PTPRK: variants seen among roughly 807,000 people sequenced by gnomAD.
PTPRK encodes protein tyrosine phosphatase receptor type K.
A neutral mutation model predicts 178.0 loss-of-function variants in PTPRK; 75 were observed. The observed-to-expected ratio is 0.42, with a 90% CI of 0.35 to 0.51. The LOEUF (loss-of-function observed/expected upper bound fraction) is 0.51, where lower values mean the gene tolerates loss of function less well. Among genes scored for constraint, PTPRK ranks in the 20% least tolerant of loss-of-function variants. PTPRK has a pLI of 0.02. For synonymous variants in PTPRK, 637 were observed against 620.6 expected (o/e 1.03, Z -0.39); for missense variants, 1,441 against 1,797.8 (o/e 0.80, Z 3.59).
At chr6:128,492,332 T>G (rs1239959942) in intron 1 of PTPRK, among the ~76,000 whole-genome samples, 3 of 152,202 alleles carry the variant, frequency 2.0e-5, no homozygotes, top group African/African-American at 7.2e-5. Context: ...CTTCAGCATG[T>G]TCCCAGAATA....
intron 8 of PTPRK, among the ~76,000 whole-genome samples, chr6:128,084,074 T>C (rs530182940): frequency 6.6e-6 from 1 of 152,274 alleles, no homozygotes; most frequent in Non-Finnish European, 1.5e-5. Flanking sequence ...TTCAAAAGAA[T>C]ATTCTATCAC....
chr6:127,986,008 C>T (rs1775932695), intron 21 of PTPRK, 133 bp from the exon 22 acceptor site: 1 of 741,000 alleles, frequency 1.3e-6, no homozygotes. Flanking sequence ...TATGCCTTTT[C>T]TTAAAAAAAA....
At chr6:128,206,092 C>A (rs1806911617) in intron 6 of PTPRK, among the ~76,000 whole-genome samples, 3 of 151,822 alleles carry the variant, frequency 2.0e-5, no homozygotes, top group South Asian at 2.1e-4. Context: ...GGCACTATAA[C>A]CCCCTAAAGA....
At chr6:128,500,615 A>G (rs920798297) in intron 1 of PTPRK, 1 of 152,166 alleles carries the variant, frequency 6.6e-6, no homozygotes, top group Non-Finnish European at 1.5e-5. Flanking sequence ...ATATGAACAT[A>G]TGTCTTTTTC....
intron 13 of PTPRK, among the ~76,000 whole-genome samples, chr6:128,025,627 T>G (rs1344895824): frequency 6.6e-6 from 1 of 152,204 alleles, no homozygotes; most frequent in Non-Finnish European, 1.5e-5. Context: ...TTCTGGGAAC[T>G]AGAGGGCCCC....
chr6:128,240,151 C>T lies in PTPRK; in HGVS notation c.578-1G>A, dbSNP rs1211061259. 6.3e-7 allele frequency: 1 copy of T among 1,599,280 alleles called. No individual in the cohort carries two copies. Among genetic ancestry groups the T allele is most frequent in the Non-Finnish European group, 8.5e-7 (1 of 1,171,250 alleles). On this transcript the variant is annotated splice_acceptor_variant, in intron 4 of 29. Transcript: ENST00000368226. LOFTEE classifies it high-confidence loss of function. ...AGACGGAGGAAATGAGGAGATTTAT[C>T]TGTGAAGGAAGGGAAAAAAAAATGT...
At position 128,519,332 on chromosome 6, in the gene PTPRK, A is replaced by G. The variant is rs1255178115; in HGVS notation, c.100+927T>C. 1.3e-5 allele frequency among the ~76,000 whole-genome samples: 2 copies of G among 152,212 alleles called. No homozygotes were observed. Among genetic ancestry groups the G allele is most frequent in the Admixed American group, 1.3e-4 (2 of 15,278 alleles). The stretch of plus-strand genomic sequence containing the variant: ...GGCGGGACCGGGAGAGCCAGGGTTC[A>G]CGGACTTCTCTGAGCGGCTTGACCG... On this transcript the variant is annotated intron_variant, in intron 1 of 29. Coordinates refer to ENST00000368226, the MANE Select transcript of PTPRK (RefSeq NM_002844.4). The surrounding 1 kb of genome is among the most constrained non-coding windows in gnomAD (Gnocchi z 4.3).
At position 128,073,907 on chromosome 6, in the gene PTPRK, C is replaced by T. The variant is rs556360019; in HGVS notation, c.1883+4906G>A. 3.3e-5 allele frequency among the ~76,000 whole-genome samples: 5 copies of T among 152,056 alleles called. No individual in the cohort carries two copies. The East Asian group carries it at 9.7e-4, about 29-fold the overall frequency. Reference sequence around the variant, plus strand: ...GTTTTATTTGGAATTCAAGTAAGCTCTAGGTCAGGATAGTGGTTAGGAAAA... The same window carrying T: ...GTTTTATTTGGAATTCAAGTAAGCTTTAGGTCAGGATAGTGGTTAGGAAAA... On this transcript the variant is annotated intron_variant, in intron 11 of 29. Transcript: ENST00000368226.
chr6:128,069,486 ATGATCATAGC>A (rs1782435677), intron 11 of PTPRK, among the ~76,000 whole-genome samples: 1 of 152,196 alleles, frequency 6.6e-6, no homozygotes, highest in Non-Finnish European at 1.5e-5. Flanking sequence ...AAAGACGAGA[ATGATCATAGC>A]TGACATATGC....
intron 7 of PTPRK, among the ~76,000 whole-genome samples, chr6:128,100,533 G>T (rs1788610235): frequency 2.0e-5 from 3 of 151,734 alleles, no homozygotes; most frequent in African/African-American, 7.3e-5. Context: ...AAACATTAGG[G>T]GAGCCTAATA....
chr6:128,356,733 T>C (rs1376470886), intron 2 of PTPRK, among the ~76,000 whole-genome samples: 1 of 152,220 alleles, frequency 6.6e-6, no homozygotes, highest in Non-Finnish European at 1.5e-5. Context: ...ATCAATTCAT[T>C]CTGATGATGC....
chr6:128,339,316 G>T (rs1229459997), intron 2 of PTPRK, among the ~76,000 whole-genome samples: 1 of 152,058 alleles, frequency 6.6e-6, no homozygotes, highest in African/African-American at 2.4e-5. Context: ...GACTCTATCG[G>T]CAGTTAAATT....
chr6:128,128,593 C>T (rs1001799292), intron 7 of PTPRK, among the ~76,000 whole-genome samples: 1 of 152,156 alleles, frequency 6.6e-6, no homozygotes, highest in African/African-American at 2.4e-5. Context: ...TGTGTATTCA[C>T]AGGAAAAAGG....
At chr6:128,371,141 A>C (rs1836216660) in intron 2 of PTPRK, among the ~76,000 whole-genome samples, 1 of 152,196 alleles carries the variant, frequency 6.6e-6, no homozygotes, top group Non-Finnish European at 1.5e-5. Context: ...CTCACCACCC[A>C]ATCAGCAAAA....
intron 3 of PTPRK, among the ~76,000 whole-genome samples, chr6:128,295,403 A>C (rs1193562121): frequency 6.6e-6 from 1 of 151,750 alleles, no homozygotes; most frequent in East Asian, 1.9e-4. Flanking sequence ...ACAAAGCAAG[A>C]TTTTTTTTTA....
Position 128,184,507 on chromosome 6 carries a change from C to T in PTPRK, c.1087G>A (p.Val363Ile), listed in dbSNP as rs2114697486. The change falls in exon 7 of 30, where the codon GTT becomes ATT. Residue 363 changes from valine to isoleucine, a missense_variant. Val to Ile is a conservative substitution (Grantham distance 29). Coordinates refer to ENST00000368226, the MANE Select transcript of PTPRK (RefSeq NM_002844.4). ...CCTTCACCAGGTCTTGTAAGTAGAA[C>T]TCGGATCTCATATTCGGTATCTGGA... Reference protein sequence around the residue: ...LDPDTEYEIRVLLTRPGEGGT... With the variant: ...LDPDTEYEIRILLTRPGEGGT... The T allele has an allele frequency of 1.2e-6, 2 of 1,613,864 alleles. No homozygotes were observed. Among genetic ancestry groups the T allele is most frequent in the East Asian group, 2.2e-5 (1 of 44,856 alleles).
intron 2 of PTPRK, among the ~76,000 whole-genome samples, chr6:128,339,545 C>T (rs995374166): frequency 6.6e-6 from 1 of 152,108 alleles, no homozygotes; most frequent in African/African-American, 2.4e-5. Context: ...TAAGAAAAAA[C>T]TGACAAGCTG....
intron 13 of PTPRK, among the ~76,000 whole-genome samples, chr6:128,011,796 A>G (rs1779092145): frequency 6.6e-6 from 1 of 151,154 alleles, no homozygotes; most frequent in Admixed American, 6.6e-5. Context: ...CAAATCTGAA[A>G]GTAATTTTTT....
At chr6:128,124,042 G>GTT (rs113506773) in intron 7 of PTPRK, among the ~76,000 whole-genome samples, 4 of 136,866 alleles carry the variant, frequency 2.9e-5, no homozygotes, top group African/African-American at 8.1e-5. Context: ...ATTAAAACTT[G>GTT]TTTTTTTTTT....
Sources: gnomAD v4.1 joint callset for allele counts (sites outside exome capture counted in the v4.1 genomes callset) on GRCh38, gnomAD v4.1.1 for gene constraint, Gnocchi (gnomAD v3.1) non-coding constraint, MANE v1.5 for transcripts, NCBI Gene and HGNC (gene_info 2026-07-23, HGNC 2026-07-21) for gene names.